Variants in WWOX observed in about 807,000 individuals in gnomAD.
WWOX encodes WW domain containing oxidoreductase.
A neutral mutation model predicts 46.2 loss-of-function variants in WWOX; 69 were observed. The observed-to-expected ratio is 1.49, with a 90% CI of 1.23 to 1.82. The LOEUF (loss-of-function observed/expected upper bound fraction) is 1.82, where lower values mean the gene tolerates loss of function less well. WWOX is among the 40% of genes most tolerant of loss of function. The pLI, the probability that WWOX is intolerant of heterozygous loss-of-function variation, is 0.00. For missense variants in WWOX, 919 were observed against 542.6 expected, an observed-to-expected ratio of 1.69 and a Z score of -6.89; for synonymous variants, 359 against 202.6, an observed-to-expected ratio of 1.77 and a Z score of -6.56.
At chr16:78,334,978 C>G (rs72792386) in intron 5 of WWOX, among the ~76,000 whole-genome samples, 9,708 of 150,822 alleles carry the variant, frequency 0.064, 417 homozygotes, top group East Asian at 0.18. Flanking sequence ...ATGAGATACA[C>G]GAAGACAGAG....
chr16:78,210,855 G>C (rs1209853194), intron 5 of WWOX, among the ~76,000 whole-genome samples: 1 of 152,172 alleles, frequency 6.6e-6, no homozygotes, highest in Admixed American at 6.5e-5. Context: ...CTCTAAGGCA[G>C]TGTTAATTTC....
At chr16:78,397,663 G>A (rs561185049) in intron 6 of WWOX, among the ~76,000 whole-genome samples, 5 of 152,278 alleles carry the variant, frequency 3.3e-5, no homozygotes, top group African/African-American at 9.6e-5. Flanking sequence ...AATAGATGAT[G>A]GACAGCCACT....
At chr16:78,568,442 A>T (rs1203697516) in intron 8 of WWOX, among the ~76,000 whole-genome samples, 1 of 151,012 alleles carries the variant, frequency 6.6e-6, no homozygotes, top group Non-Finnish European at 1.5e-5. Context: ...TTATATATTA[A>T]ATTTTTCTTT....
intron 8 of WWOX, among the ~76,000 whole-genome samples, chr16:79,175,046 C>T (rs2050773395): frequency 6.6e-6 from 1 of 152,186 alleles, no homozygotes; most frequent in Non-Finnish European, 1.5e-5. Flanking sequence ...TCTCATTATC[C>T]CACCAATCTC....
intron 8 of WWOX, among the ~76,000 whole-genome samples, chr16:78,657,613 T>C (rs533621002): frequency 6.6e-6 from 1 of 152,282 alleles, no homozygotes; most frequent in Non-Finnish European, 1.5e-5. Flanking sequence ...CCTTTGTTTC[T>C]TGCAGTCAGG....
intron 8 of WWOX, among the ~76,000 whole-genome samples, chr16:79,139,042 A>T (rs1418791382): frequency 1.3e-5 from 2 of 152,154 alleles, no homozygotes; most frequent in Non-Finnish European, 2.9e-5. Context: ...GCCCTGAACG[A>T]AGATAGATGG....
chr16:78,686,293 C>T (rs952295771), intron 8 of WWOX, among the ~76,000 whole-genome samples: 9 of 151,826 alleles, frequency 5.9e-5, no homozygotes, highest in African/African-American at 9.7e-5. Flanking sequence ...GGGCGGATCA[C>T]GAGGTCAGGA....
At chr16:78,562,233 G>T (rs1049716117) in intron 8 of WWOX, among the ~76,000 whole-genome samples, 1 of 152,156 alleles carries the variant, frequency 6.6e-6, no homozygotes, top group Admixed American at 6.5e-5. Flanking sequence ...TAAGAGCCTC[G>T]CGAGGTTTGG....
At chr16:78,573,436 G>T (rs1405620728) in intron 8 of WWOX, among the ~76,000 whole-genome samples, 1 of 152,288 alleles carries the variant, frequency 6.6e-6, no homozygotes, top group Admixed American at 6.5e-5. Flanking sequence ...TAAGAATGTG[G>T]TATTACACCC....
intron 8 of WWOX, among the ~76,000 whole-genome samples, chr16:78,680,955 T>TA (rs2047715407): frequency 6.6e-6 from 1 of 151,804 alleles, no homozygotes; most frequent in Non-Finnish European, 1.5e-5. Context: ...TACAAAAAAC[T>TA]AAAAAAATTT....
chr16:78,316,897 C>T (rs899686790), intron 5 of WWOX, among the ~76,000 whole-genome samples: 6 of 152,184 alleles, frequency 3.9e-5, no homozygotes, highest in Non-Finnish European at 7.3e-5. Flanking sequence ...CTGAAACTAC[C>T]ATTTATCTTT....
At chr16:78,973,589 G>A (rs1378081228) in intron 8 of WWOX, among the ~76,000 whole-genome samples, 1 of 151,754 alleles carries the variant, frequency 6.6e-6, no homozygotes, top group Non-Finnish European at 1.5e-5. Flanking sequence ...TTTTCTTTCT[G>A]TCTCAGTCTC....
chr16:78,222,594 C>A (rs761739784), intron 5 of WWOX, among the ~76,000 whole-genome samples: 2 of 152,294 alleles, frequency 1.3e-5, no homozygotes, highest in African/African-American at 4.8e-5. Context: ...GAAAGAGACT[C>A]CCTGTGAACA....
rs534715330 is a variant in WWOX, at chr16:78,495,062, T to C, written c.1056+62310T>C. Among the ~76,000 whole-genome samples, 229 of 151,990 alleles carry C rather than the reference T, an allele frequency of 1.5e-3. 2 individuals are homozygous for C. Among genetic ancestry groups the C allele is most frequent in the African/African-American group, 5.2e-3 (214 of 41,510 alleles). Reference sequence around the variant, plus strand: ...GAGGATGTTTCATTGATTTATATTTTTAAAATTAAAAATAATTATTTAAGC... The same window carrying C: ...GAGGATGTTTCATTGATTTATATTTCTAAAATTAAAAATAATTATTTAAGC... On this transcript the variant is annotated intron_variant, in intron 8 of 8. Coordinates refer to ENST00000566780, the MANE Select transcript of WWOX (RefSeq NM_016373.4).
intron 8 of WWOX, among the ~76,000 whole-genome samples, chr16:78,729,035 C>T (rs926203745): frequency 1.3e-5 from 2 of 152,086 alleles, no homozygotes; most frequent in East Asian, 3.9e-4. Flanking sequence ...TATCCCGCCC[C>T]ACCAAAGATA....
At chr16:78,491,519 G>A (rs1039983556) in intron 8 of WWOX, among the ~76,000 whole-genome samples, 1 of 152,080 alleles carries the variant, frequency 6.6e-6, no homozygotes, top group African/African-American at 2.4e-5. Flanking sequence ...CTGGAGTGCA[G>A]TGGCAGAGTC....
At chr16:78,430,265 T>C (rs1330735096) in intron 7 of WWOX, among the ~76,000 whole-genome samples, 2 of 152,160 alleles carry the variant, frequency 1.3e-5, no homozygotes, top group African/African-American at 4.8e-5. Flanking sequence ...GATTCACTTA[T>C]CTCCACCTGG....
chr16:79,121,231 G>T (rs954834308), intron 8 of WWOX, among the ~76,000 whole-genome samples: 3 of 152,150 alleles, frequency 2.0e-5, no homozygotes, highest in African/African-American at 7.2e-5. Context: ...TATCCTCTGG[G>T]GCAGGGGGCA....
chr16:79,163,275 G>A (rs2050522677), intron 8 of WWOX, among the ~76,000 whole-genome samples: 1 of 152,162 alleles, frequency 6.6e-6, no homozygotes, highest in Non-Finnish European at 1.5e-5. Context: ...ATAAACATTA[G>A]CAGGGTGGTT....
Sources: allele counts gnomAD v4.1 joint callset (sites outside exome capture counted in the v4.1 genomes callset), GRCh38; gene constraint gnomAD v4.1.1; transcripts MANE v1.5; gene names NCBI Gene and HGNC (gene_info 2026-07-23, HGNC 2026-07-21).